Variants in NDUFS6 observed in about 807,000 individuals in gnomAD.
NDUFS6 encodes the protein NADH dehydrogenase [ubiquinone] iron-sulfur protein 6, mitochondrial.
Under a neutral mutation model 13.2 loss-of-function variants are expected in NDUFS6, and 14 were observed. That is an observed-to-expected ratio of 1.06 (90% confidence interval 0.70 to 1.66). NDUFS6 has a LOEUF of 1.66. Among genes scored for constraint, NDUFS6 ranks in the 40% most tolerant of loss-of-function variants. The pLI is 0.00. For missense variants in NDUFS6, 206 were observed against 170.8 expected (o/e 1.21, Z -1.15); for synonymous variants, 95 against 72.3 (o/e 1.31, Z -1.60).
chr5:1,809,891 C>T lies in NDUFS6; in HGVS notation c.187-4448C>T, dbSNP rs979792047. Among the ~76,000 whole-genome samples, 19 of 152,348 alleles carry T rather than the reference C, an allele frequency of 1.2e-4. 1 individual carries two copies. The highest frequency in any genetic ancestry group is 1.9e-4 in the East Asian group (1 of 5,170). On this transcript the variant is annotated intron_variant, in intron 2 of 3. Coordinates refer to ENST00000274137, the MANE Select transcript of NDUFS6 (RefSeq NM_004553.6). ...GCTGGAGCGTGTGGAACAACCTGGG[C>T]GGCGCCACACGGCTCAGGCCTCTGC... is the stretch of plus-strand genomic sequence containing the variant.
At chr5:1,804,296 G>T (rs570816304) in intron 2 of NDUFS6, among the ~76,000 whole-genome samples, 15 of 152,348 alleles carry the variant, frequency 9.8e-5, no homozygotes, top group Middle Eastern at 3.4e-3. Context: ...TGTCACAAAC[G>T]CCTCTCTGCT....
At chr5:1,807,206 T>TGC (rs1734141080) in intron 2 of NDUFS6, among the ~76,000 whole-genome samples, 1 of 19,450 alleles carries the variant, frequency 5.1e-5, no homozygotes, top group South Asian at 1.3e-3. Flanking sequence ...GTGTGAACAC[T>TGC]GTGTGATTCC....
chr5:1,809,313 C>G (rs894846145), intron 2 of NDUFS6, among the ~76,000 whole-genome samples: 2 of 152,182 alleles, frequency 1.3e-5, no homozygotes, highest in Non-Finnish European at 2.9e-5. Context: ...CAGCAGCGCT[C>G]TTCAGTTTTT....
At chr5:1,803,357 G>A (rs983913804) in intron 2 of NDUFS6, among the ~76,000 whole-genome samples, 2 of 152,198 alleles carry the variant, frequency 1.3e-5, no homozygotes, top group African/African-American at 4.8e-5. Context: ...TGAGTGTTGG[G>A]TTGAGAAAGA....
chr5:1,807,176 G>A (rs1485715985), intron 2 of NDUFS6, among the ~76,000 whole-genome samples: 1 of 151,926 alleles, frequency 6.6e-6, no homozygotes, highest in Non-Finnish European at 1.5e-5. Context: ...GAGGTACTGC[G>A]TGAGGTACTC....
intron 2 of NDUFS6, among the ~76,000 whole-genome samples, chr5:1,802,762 C>G (rs1021612638): frequency 2.5e-4 from 38 of 152,138 alleles, no homozygotes; most frequent in African/African-American, 8.9e-4. Context: ...TTTACAGGGA[C>G]TTACACTGAC....
In NDUFS6 at chr5:1,809,846, C is replaced by T. The variant is rs1013663512; in HGVS notation, c.187-4493C>T. ...GCTGCGACAAGGCGAGCCGCCGGGC[C>T]GGCAGCAGAGGCTTGTGTTGCTGGA... is the stretch of plus-strand genomic sequence containing the variant. On this transcript the variant is annotated intron_variant, in intron 2 of 3. Coordinates refer to ENST00000274137, the MANE Select transcript of NDUFS6 (RefSeq NM_004553.6). 1.3e-4 allele frequency among the ~76,000 whole-genome samples: 20 copies of T among 152,266 alleles called. 1 individual carries two copies. The East Asian group carries it at 2.1e-3, about 16-fold the overall frequency.
intron 3 of NDUFS6, 99 bp from the exon 4 acceptor site, chr5:1,815,752 T>G: frequency 8.1e-7 from 1 of 1,234,414 alleles, no homozygotes; most frequent in Non-Finnish European, 1.2e-6. Context: ...TATTTTTGTT[T>G]CTGACAGTCT....
At chr5:1,810,618 G>A (rs1462937258) in intron 2 of NDUFS6, among the ~76,000 whole-genome samples, 2 of 152,226 alleles carry the variant, frequency 1.3e-5, no homozygotes, top group Non-Finnish European at 1.5e-5. Context: ...CTGTGAAACA[G>A]AGGGAATAGT....
rs2111363377 is a variant in NDUFS6 at position 1,814,961 on chromosome 5, G to A, written c.309+500G>A. Among the ~76,000 whole-genome samples the A allele has an allele frequency of 6.6e-6, 1 of 152,248 alleles. No individual in the cohort carries two copies. Among genetic ancestry groups the A allele is most frequent in the Non-Finnish European group, 1.5e-5 (1 of 68,026 alleles). On this transcript the variant is annotated intron_variant, in intron 3 of 3. Transcript: ENST00000274137. This position sits in a 1 kb window ranked among gnomAD's most constrained non-coding sequence, Gnocchi z 4.9. ...GACTCCTCATCCCCTCTTCTTATAA[G>A]GGCACCAGGCAGATTGGCTCAGGGC...
At chr5:1,803,201 A>T (rs1330762964) in intron 2 of NDUFS6, among the ~76,000 whole-genome samples, 2 of 152,208 alleles carry the variant, frequency 1.3e-5, no homozygotes, top group African/African-American at 4.8e-5. Flanking sequence ...TTCCAGAGCT[A>T]CAGGGCATTC....
At chr5:1,808,721 A>G (rs770495183) in intron 2 of NDUFS6, among the ~76,000 whole-genome samples, 8 of 152,208 alleles carry the variant, frequency 5.3e-5, no homozygotes, top group Non-Finnish European at 1.0e-4. Context: ...AGACAGCTCA[A>G]TTGTGGTTTT....
At chr5:1,802,101 GTC>G (rs1228703163) in intron 1 of NDUFS6, 5 of 560,820 alleles carry the variant, frequency 8.9e-6, no homozygotes, top group Non-Finnish European at 1.6e-5. Context: ...CCCGGGCTAT[GTC>G]TCTGTGCTGC....
In NDUFS6 at chr5:1,809,000, C is replaced by T. The variant is rs536340962; in HGVS notation, c.187-5339C>T. On this transcript the variant is annotated intron_variant, in intron 2 of 3. Transcript: ENST00000274137. ...CCAGCTGGTGGACTTTTCCCTTCTG[C>T]GTTGGTTTTGATGCTGTGTCACAGA... Among the ~76,000 whole-genome samples the T allele has an allele frequency of 7.2e-5, 11 of 152,244 alleles. 1 individual carries two copies. In the South Asian group the frequency reaches 1.2e-3, roughly 17 times the overall value.
chr5:1,801,961 A>T (rs1343501284), intron 1 of NDUFS6, among the ~76,000 whole-genome samples: 1 of 152,238 alleles, frequency 6.6e-6, no homozygotes, highest in Non-Finnish European at 1.5e-5. Context: ...GAACAAAGGT[A>T]CCTGTGTATA....
At chr5:1,802,726 T>A (rs1734068073) in intron 2 of NDUFS6, among the ~76,000 whole-genome samples, 1 of 152,240 alleles carries the variant, frequency 6.6e-6, no homozygotes, top group Non-Finnish European at 1.5e-5. Flanking sequence ...TTTTATAGTT[T>A]TCACCAAATA....
intron 2 of NDUFS6, among the ~76,000 whole-genome samples, chr5:1,809,643 G>A (rs541977063): frequency 2.0e-5 from 3 of 152,346 alleles, no homozygotes; most frequent in East Asian, 3.9e-4. Flanking sequence ...GGAGGTGGCC[G>A]GTCTCTTTGA....
intron 2 of NDUFS6, among the ~76,000 whole-genome samples, chr5:1,812,211 C>T (rs953103738): frequency 6.6e-5 from 10 of 152,044 alleles, no homozygotes; most frequent in African/African-American, 2.4e-4. Context: ...ACTCCTTCTT[C>T]TACCAGGAGC....
intron 2 of NDUFS6, among the ~76,000 whole-genome samples, chr5:1,807,009 C>T (rs1010308228): frequency 5.9e-5 from 9 of 152,000 alleles, no homozygotes; most frequent in African/African-American, 2.2e-4. Context: ...ACGGATAAGC[C>T]TGGAGGACGT....
Sources: allele counts gnomAD v4.1 joint callset (sites outside exome capture counted in the v4.1 genomes callset), GRCh38; gene constraint gnomAD v4.1.1; non-coding constraint Gnocchi (gnomAD v3.1); transcripts MANE v1.5; gene names NCBI Gene and HGNC (gene_info 2026-07-23, HGNC 2026-07-21).